Variants in PRKN observed in about 807,000 individuals in gnomAD.
PRKN encodes the protein E3 ubiquitin-protein ligase parkin.
PRKN carries 56 observed loss-of-function variants against 59.5 expected under a neutral mutation model. The ratio of observed to expected loss-of-function variants is 0.94; its 90% CI spans 0.76 to 1.18. The LOEUF is 1.18. Among genes scored for constraint, PRKN ranks in the 50% most tolerant of loss-of-function variants. The pLI is 0.00. For synonymous variants in PRKN, 250 were observed against 222.1 expected (o/e 1.13, Z -1.12); for missense variants, 657 against 596.4 (o/e 1.10, Z -1.06).
chr6:162,180,334 G>A (rs544197133), intron 4 of PRKN, among the ~76,000 whole-genome samples: 1 of 152,222 alleles, frequency 6.6e-6, no homozygotes, highest in East Asian at 1.9e-4. Flanking sequence ...TGCTTGAGGG[G>A]ATGGATACCT....
intron 3 of PRKN, among the ~76,000 whole-genome samples, chr6:162,230,642 G>C (rs1778381253): frequency 6.6e-6 from 1 of 152,146 alleles, no homozygotes; most frequent in South Asian, 2.1e-4. Flanking sequence ...CTTGAAGATA[G>C]GAATCTACAC....
intron 7 of PRKN, among the ~76,000 whole-genome samples, chr6:161,644,342 T>G (rs11965287): frequency 0.039 from 5,867 of 152,284 alleles, 405 homozygotes; most frequent in African/African-American, 0.14. Context: ...GCATGTCAGT[T>G]TTGAAAGACA....
Position 161,576,573 on chromosome 6 carries a change from G to A in PRKN, c.872-7157C>T, listed in dbSNP as rs1781137683. ...CCCACTTTGTGCCAGGCACTATTACGACACTTGGGTCGCAGCCGTGAAAAA... is the reference window on the plus strand; with the variant it reads ...CCCACTTTGTGCCAGGCACTATTACAACACTTGGGTCGCAGCCGTGAAAAA... On this transcript the variant is annotated intron_variant, in intron 7 of 11. Coordinates refer to ENST00000366898, the MANE Select transcript of PRKN (RefSeq NM_004562.3). This position sits in a 1 kb window ranked among gnomAD's most constrained non-coding sequence, Gnocchi z 4.6. 6.6e-6 allele frequency among the ~76,000 whole-genome samples: 1 copy of A among 152,316 alleles called. No homozygotes were observed. Among genetic ancestry groups the A allele is most frequent in the Non-Finnish European group, 1.5e-5 (1 of 68,032 alleles).
At chr6:161,465,506 A>C (rs111794219) in intron 9 of PRKN, among the ~76,000 whole-genome samples, 3 of 151,280 alleles carry the variant, frequency 2.0e-5, no homozygotes, top group African/African-American at 7.3e-5. Context: ...TAGACATGGA[A>C]TTTTAGTATA....
rs187840544 is a variant in PRKN, at chr6:161,451,118, C to T, written c.1084-64241G>A. On this transcript the variant is annotated intron_variant, in intron 9 of 11. Coordinates refer to ENST00000366898, the MANE Select transcript of PRKN (RefSeq NM_004562.3). The surrounding 1 kb of genome is among the most constrained non-coding windows in gnomAD (Gnocchi z 5.9). ...GGAAAGAGAACTGGCAAGGGGCTAA[C>T]TTCTGCATGACGTGTTTCCATGTTA... is the stretch of plus-strand genomic sequence containing the variant. Among the ~76,000 whole-genome samples the T allele has an allele frequency of 1.5e-3, 235 of 152,264 alleles. No homozygotes were observed. The highest frequency in any genetic ancestry group is 5.4e-3 in the African/African-American group (223 of 41,540).
chr6:161,789,917 A>G (rs1485645913), intron 6 of PRKN, among the ~76,000 whole-genome samples: 2 of 152,166 alleles, frequency 1.3e-5, no homozygotes, highest in African/African-American at 4.8e-5. Context: ...GTTGTTCACT[A>G]AATTTCTTAT....
At chr6:162,008,268 C>CTT (rs1782338841) in intron 5 of PRKN, among the ~76,000 whole-genome samples, 1 of 152,266 alleles carries the variant, frequency 6.6e-6, no homozygotes, top group Admixed American at 6.5e-5. Flanking sequence ...TGCTTGGAGG[C>CTT]AGAATGCCTG....
At chr6:162,505,125 G>T (rs531385046) in intron 1 of PRKN, among the ~76,000 whole-genome samples, 1 of 152,170 alleles carries the variant, frequency 6.6e-6, no homozygotes. Context: ...ACCAGATAGA[G>T]AGAAATGTGT....
At chr6:162,715,706 T>C (rs1056280864) in intron 1 of PRKN, among the ~76,000 whole-genome samples, 1 of 152,146 alleles carries the variant, frequency 6.6e-6, no homozygotes, top group African/African-American at 2.4e-5. Context: ...AATTCTCCAG[T>C]ATGGCATGGA....
At chr6:161,918,554 T>C (rs1778662100) in intron 6 of PRKN, among the ~76,000 whole-genome samples, 2 of 152,214 alleles carry the variant, frequency 1.3e-5, no homozygotes, top group Admixed American at 1.3e-4. Context: ...TTTCATTTTC[T>C]ATGCAAAATA....
intron 1 of PRKN, among the ~76,000 whole-genome samples, chr6:162,510,221 C>T (rs536704948): frequency 2.0e-5 from 3 of 152,262 alleles, no homozygotes; most frequent in South Asian, 2.1e-4. Context: ...CCAGAGTGGT[C>T]CAAAGCAGTT....
intron 1 of PRKN, among the ~76,000 whole-genome samples, chr6:162,683,389 G>T (rs1779844624): frequency 1.3e-5 from 2 of 152,086 alleles, no homozygotes; most frequent in South Asian, 2.1e-4. Flanking sequence ...TAGATAATTG[G>T]CATGGGATCA....
chr6:161,794,683 T>G (rs966055388), intron 6 of PRKN, among the ~76,000 whole-genome samples: 1 of 152,216 alleles, frequency 6.6e-6, no homozygotes, highest in Middle Eastern at 3.4e-3. Context: ...GTCAGTCTCT[T>G]TGCTGCTTTC....
chr6:161,405,411 C>T lies in PRKN; in HGVS notation c.1084-18534G>A, dbSNP rs1378432167. ...TGGCCAACATGGTGAAACCCCGTCT[C>T]TACCGAAAATGCACAAATTAGCCAG... On this transcript the variant is annotated intron_variant, in intron 9 of 11. Transcript: ENST00000366898. The surrounding 1 kb of genome is among the most constrained non-coding windows in gnomAD (Gnocchi z 5.1). Among the ~76,000 whole-genome samples, 3 of 151,964 alleles carry T rather than the reference C, an allele frequency of 2.0e-5. No homozygotes were observed. The highest frequency in any genetic ancestry group is 6.6e-5 in the Admixed American group (1 of 15,256).
At chr6:162,588,128 A>T (rs1375652677) in intron 1 of PRKN, among the ~76,000 whole-genome samples, 1 of 151,386 alleles carries the variant, frequency 6.6e-6, no homozygotes, top group Non-Finnish European at 1.5e-5. Flanking sequence ...CTCCTACCTC[A>T]GCCTCCCAAG....
chr6:161,850,377 A>ATCTCTT (rs1793377456), intron 6 of PRKN, among the ~76,000 whole-genome samples: 1 of 152,112 alleles, frequency 6.6e-6, no homozygotes, highest in Non-Finnish European at 1.5e-5. Flanking sequence ...CAAGAGATAG[A>ATCTCTT]GACCATCCTG....
intron 6 of PRKN, among the ~76,000 whole-genome samples, chr6:161,882,545 T>C (rs895606285): frequency 6.6e-6 from 1 of 152,226 alleles, no homozygotes; most frequent in Non-Finnish European, 1.5e-5. Flanking sequence ...TTGGGGGCTC[T>C]GAGTTTGGGA....
At chr6:162,352,942 T>C (rs2128131624) in intron 2 of PRKN, among the ~76,000 whole-genome samples, 1 of 152,260 alleles carries the variant, frequency 6.6e-6, no homozygotes, top group Non-Finnish European at 1.5e-5. Context: ...GTGCTTACTT[T>C]AAAACAAAAA....
In PRKN at chr6:162,604,697, C is replaced by CTTT. The variant is rs35730217; in HGVS notation, c.7+122962_7+122964dup. The stretch of plus-strand genomic sequence containing the variant: ...CACAGGCCCTGTTTCTTTCTCTCTC[C>CTTT]TTTTTTTTTTTTTTTTTAACTTAGA... On this transcript the variant is annotated intron_variant, in intron 1 of 11. Transcript: ENST00000366898. Among the ~76,000 whole-genome samples, 84 of 135,208 alleles carry CTTT rather than the reference C, an allele frequency of 6.2e-4. 1 individual carries two copies. Among genetic ancestry groups the CTTT allele is most frequent in the Middle Eastern group, 3.9e-3 (1 of 256 alleles). The allele number at this position is 135,208 out of a possible 152,430, so 88.7% of individuals were successfully genotyped here.
Sources: gnomAD v4.1 joint callset for allele counts (sites outside exome capture counted in the v4.1 genomes callset) on GRCh38, gnomAD v4.1.1 for gene constraint, Gnocchi (gnomAD v3.1) non-coding constraint, MANE v1.5 for transcripts, NCBI Gene and HGNC (gene_info 2026-07-23, HGNC 2026-07-21) for gene names.